MASTL: variants seen among roughly 807,000 people sequenced by gnomAD.
MASTL encodes serine/threonine-protein kinase greatwall.
MASTL carries 54 observed loss-of-function variants against 82.5 expected under a neutral mutation model. The ratio of observed to expected loss-of-function variants is 0.65; its 90% CI spans 0.53 to 0.82. MASTL has a LOEUF of 0.82. Among genes scored for constraint, MASTL ranks in the 40% least tolerant of loss-of-function variants. MASTL has a pLI of 0.00. For synonymous variants in MASTL, 323 were observed against 368.9 expected (o/e 0.88, Z 1.43); for missense variants, 950 against 1,047.8 (o/e 0.91, Z 1.29).
rs1189893567 is a variant in MASTL at position 27,159,551 on chromosome 10, C to A, written c.325-68C>A. ...CATGCCAAATATTGTAACTGTAATG[C>A]CCAAATACTAGATTTTTAAAGTAAT... On this transcript the variant is annotated intron_variant, in intron 2 of 11. Transcript: ENST00000375940. The surrounding 1 kb of genome is among the most constrained non-coding windows in gnomAD (Gnocchi z 4.0). 1.2e-5 allele frequency: 14 copies of A among 1,143,976 alleles called. No individual in the cohort carries two copies. Among genetic ancestry groups the A allele is most frequent in the Non-Finnish European group, 1.7e-5 (13 of 769,596 alleles). The allele number at this position is 1,143,976 out of a possible 1,614,324, so 70.9% of individuals were successfully genotyped here.
chr10:27,182,482 C>T (rs886932186), intron 11 of MASTL, among the ~76,000 whole-genome samples: 2 of 151,986 alleles, frequency 1.3e-5, no homozygotes, highest in Non-Finnish European at 2.9e-5. Context: ...TGTGGTAGCT[C>T]ATGCCTATAC....
At position 27,164,066 on chromosome 10, in the gene MASTL, G is replaced by A. The variant is rs532731530; in HGVS notation, c.554-998G>A. The stretch of plus-strand genomic sequence containing the variant: ...AGCGATTCTTGTCCCTCAGCCTTCC[G>A]AGTAGCTGGGACTAGAGGCATGAGC... On this transcript the variant is annotated intron_variant, in intron 4 of 11. Coordinates refer to ENST00000375940, the MANE Select transcript of MASTL (RefSeq NM_001172303.3). 7.2e-5 allele frequency among the ~76,000 whole-genome samples: 11 copies of A among 152,170 alleles called. No individual in the cohort carries two copies. The South Asian group carries it at 8.3e-4, about 11-fold the overall frequency.
At chr10:27,162,917 G>T (rs569135892) in intron 4 of MASTL, among the ~76,000 whole-genome samples, 1 of 152,016 alleles carries the variant, frequency 6.6e-6, no homozygotes, top group South Asian at 2.1e-4. Context: ...ATAGTCTTTT[G>T]TTTGTTTGTT....
At chr10:27,158,787 A>G (rs1457642599) in intron 2 of MASTL, 101 bp downstream of exon 2, 7 of 1,313,684 alleles carry the variant, frequency 5.3e-6, no homozygotes, top group African/African-American at 4.4e-5. Context: ...TTGCATTTGA[A>G]TTCTGGCTGC....
intron 6 of MASTL, 91 bp downstream of exon 6, chr10:27,165,630 T>C: frequency 1.4e-6 from 2 of 1,404,356 alleles, no homozygotes; most frequent in Non-Finnish European, 2.0e-6. Context: ...TCTTTCTTTT[T>C]GAGACGGAGT....
chr10:27,159,916 C>G lies in MASTL; in HGVS notation c.464+158C>G, dbSNP rs1449443386. On this transcript the variant is annotated intron_variant, in intron 3 of 11. Transcript: ENST00000375940. The surrounding 1 kb of genome is among the most constrained non-coding windows in gnomAD (Gnocchi z 4.0). ...ATTTAGAAATTAACTCTTCTTTCATCTCCCTGTGTTTTTTAAAATATATTG... is the reference window on the plus strand; with the variant it reads ...ATTTAGAAATTAACTCTTCTTTCATGTCCCTGTGTTTTTTAAAATATATTG... Among the ~76,000 whole-genome samples, 1 of 152,100 alleles carries G rather than the reference C, an allele frequency of 6.6e-6. No individual in the cohort carries two copies. Among genetic ancestry groups the G allele is most frequent in the East Asian group, 1.9e-4 (1 of 5,198 alleles).
At position 27,181,534 on chromosome 10, in the gene MASTL, T is replaced by C. The variant is rs140851799; in HGVS notation, c.2435T>C (p.Val812Ala). The C allele has an allele frequency of 4.3e-6, 7 of 1,613,316 alleles. No homozygotes were observed. The highest frequency in any genetic ancestry group is 5.9e-6 in the Non-Finnish European group (7 of 1,179,364). Residue 812 changes from valine to alanine, a missense_variant, in exon 11 of 12, where the codon GTA (valine) becomes GCA (alanine). Physicochemically the swap from Val to Ala is moderately conservative, Grantham distance 64. Transcript: ENST00000375940. ...EKLSDNAQSAVEILLTIDDTK... is the reference protein window; with the variant it reads ...EKLSDNAQSAAEILLTIDDTK... ...TTATCTGATAATGCTCAAAGTGCAG[T>C]AGAAATACTTTTAACCATTGATGAT...
intron 1 of MASTL, among the ~76,000 whole-genome samples, chr10:27,157,184 T>C (rs2057420331): frequency 6.6e-6 from 1 of 152,202 alleles, no homozygotes; most frequent in African/African-American, 2.4e-5. Flanking sequence ...TTAAGATTCA[T>C]CTTAGCTCCC....
intron 11 of MASTL, among the ~76,000 whole-genome samples, chr10:27,182,602 A>T (rs895485412): frequency 1.3e-5 from 2 of 152,034 alleles, no homozygotes; most frequent in Non-Finnish European, 2.9e-5. Flanking sequence ...AAAATAGCCA[A>T]GCAAGGCAGT....
intron 8 of MASTL, among the ~76,000 whole-genome samples, chr10:27,171,829 T>TTTTTTA (rs2136085387): frequency 7.4e-6 from 1 of 134,244 alleles, no homozygotes; most frequent in South Asian, 2.4e-4. Flanking sequence ...ATGTTTCTTT[T>TTTTTTA]TTTTTTTTTT....
At chr10:27,181,171 G>A in intron 10 of MASTL, 105 bp downstream of exon 10, 1 of 818,324 alleles carries the variant, frequency 1.2e-6, no homozygotes. Context: ...GATCGCCTGA[G>A]GTCAGGAGTT....
At chr10:27,180,760 G>A (rs1232178881) in intron 9 of MASTL, among the ~76,000 whole-genome samples, 193 bp from the exon 10 acceptor site, 1 of 152,182 alleles carries the variant, frequency 6.6e-6, no homozygotes, top group Non-Finnish European at 1.5e-5. Context: ...TGAGTTATTT[G>A]TACAGGAGGG....
rs1423422674 is a variant in MASTL, at chr10:27,159,227, T to C, written c.325-392T>C. 1.3e-5 allele frequency among the ~76,000 whole-genome samples: 2 copies of C among 152,132 alleles called. No homozygotes were observed. The highest frequency in any genetic ancestry group is 1.3e-4 in the Admixed American group (2 of 15,272). ...AATTCTTGTGCCTCAACCTCCCAAG[T>C]AGCTGAGATTACAGGCCCAGCTAAT... On this transcript the variant is annotated intron_variant, in intron 2 of 11. Transcript: ENST00000375940. The surrounding 1 kb of genome is among the most constrained non-coding windows in gnomAD (Gnocchi z 4.0).
At chr10:27,169,729 T>TAA (rs939565636) in intron 7 of MASTL, among the ~76,000 whole-genome samples, 3 of 152,224 alleles carry the variant, frequency 2.0e-5, no homozygotes, top group African/African-American at 7.2e-5. Flanking sequence ...ATAATTTATT[T>TAA]AAAGTTTAGA....
Position 27,178,072 on chromosome 10 carries a change from A to G in MASTL, c.2267-2881A>G, listed in dbSNP as rs76871637. ...GAGTGAAGACGCAGTCTTTTTTATT[A>G]TAACAGAAAAAATAGTATTGATACA... is the stretch of plus-strand genomic sequence containing the variant. On this transcript the variant is annotated intron_variant, in intron 9 of 11. Coordinates refer to ENST00000375940, the MANE Select transcript of MASTL (RefSeq NM_001172303.3). 7.1e-3 allele frequency among the ~76,000 whole-genome samples: 1,082 copies of G among 152,256 alleles called. 52 individuals are homozygous for G. The East Asian group carries it at 0.12, about 16-fold the overall frequency.
In MASTL at chr10:27,155,563, T is replaced by A. The variant is rs2057332110; in HGVS notation, c.137T>A (p.Phe46Tyr). Residue 46 changes from phenylalanine (F) to tyrosine (Y), a missense_variant, in exon 1 of 12, where the codon TTC (phenylalanine) becomes TAC (tyrosine). By Grantham distance (22) the Phe-to-Tyr change is conservative. Transcript: ENST00000375940. The stretch of plus-strand genomic sequence containing the variant: ...GTGAAGCCCATTAGCCGGGGCGCCT[T>A]CGGGAAAGTGTATCTGGGGCAGAAA... ...SIVKPISRGA[F>Y]GKVYLGQKGG... The A allele has an allele frequency of 6.2e-7, 1 of 1,614,128 alleles. No homozygotes were observed. The highest frequency in any genetic ancestry group is 8.5e-7 in the Non-Finnish European group (1 of 1,179,976).
In MASTL at chr10:27,180,987, C is replaced by CTTGT; in HGVS notation, c.2305_2308dup (p.Glu770ValfsTer2). The CTTGT allele has an allele frequency of 6.2e-7, 1 of 1,613,620 alleles. No individual in the cohort carries two copies. Among genetic ancestry groups the CTTGT allele is most frequent in the Middle Eastern group, 1.6e-4 (1 of 6,062 alleles). ...TAGACTGGTGGGCACTTGGAGTTTG[C>CTTGT]TTGTTTGAATTTCTAACAGGAATTC... On this transcript the variant is annotated frameshift_variant, in exon 10 of 12. Transcript: ENST00000375940. LOFTEE classifies it high-confidence loss of function.
chr10:27,163,492 G>T (rs1351532276), intron 4 of MASTL, among the ~76,000 whole-genome samples: 1 of 151,844 alleles, frequency 6.6e-6, no homozygotes, highest in Non-Finnish European at 1.5e-5. Flanking sequence ...TATCATAAGG[G>T]TCTAATTTTA....
chr10:27,165,543 A>C lies in MASTL; in HGVS notation c.811+4A>C. On this transcript the variant is annotated splice_donor_region_variant and intron_variant, in intron 6 of 11. Coordinates refer to ENST00000375940, the MANE Select transcript of MASTL (RefSeq NM_001172303.3). The stretch of plus-strand genomic sequence containing the variant: ...TCTAGCAAATTACTAAAATCATGTG[A>C]GTATAAAAGAAAAGGTAGGCCAGGC... The C allele has an allele frequency of 6.2e-7, 1 of 1,613,972 alleles. No individual in the cohort carries two copies. Among genetic ancestry groups the C allele is most frequent in the Middle Eastern group, 1.6e-4 (1 of 6,062 alleles).
Sources: gnomAD v4.1 joint callset for allele counts (sites outside exome capture counted in the v4.1 genomes callset) on GRCh38, gnomAD v4.1.1 for gene constraint, Gnocchi (gnomAD v3.1) non-coding constraint, MANE v1.5 for transcripts, NCBI Gene and HGNC (gene_info 2026-07-23, HGNC 2026-07-21) for gene names.